Variants in KIRREL3 observed in about 807,000 individuals in gnomAD.
KIRREL3 encodes the protein kirre like nephrin family adhesion molecule 3, also known as kin of IRRE-like protein 3.
In KIRREL3, 36 loss-of-function variants were observed where a neutral mutation model predicts 89.7. The observed-to-expected ratio is 0.40, with a 90% CI of 0.31 to 0.53. The LOEUF is 0.53. KIRREL3 is among the 20% of genes least tolerant of loss of function. The pLI, the probability that KIRREL3 is intolerant of heterozygous loss-of-function variation, is 0.49. For missense variants in KIRREL3, 864 were observed against 1,056.6 expected (o/e 0.82, Z 2.53); for synonymous variants, 445 against 441.4 (o/e 1.01, Z -0.10).
chr11:126,915,970 TC>T (rs1245507868), intron 1 of KIRREL3, among the ~76,000 whole-genome samples: 1 of 152,076 alleles, frequency 6.6e-6, no homozygotes, highest in Non-Finnish European at 1.5e-5. Context: ...TCGTGCAACC[TC>T]CCCCAGCCAC....
chr11:126,617,562 C>A (rs1053265228), intron 1 of KIRREL3, among the ~76,000 whole-genome samples: 1 of 152,156 alleles, frequency 6.6e-6, no homozygotes, highest in Non-Finnish European at 1.5e-5. Flanking sequence ...ATATTGCCAG[C>A]AAATCAGCCA....
chr11:126,542,627 C>T (rs1938459633), intron 2 of KIRREL3, among the ~76,000 whole-genome samples: 1 of 152,210 alleles, frequency 6.6e-6, no homozygotes, highest in African/African-American at 2.4e-5. Context: ...AGGTGCACCC[C>T]ACCTTCCCCA....
At position 126,923,166 on chromosome 11, in the gene KIRREL3, TC is replaced by T. The variant is rs1947453047; in HGVS notation, c.55+77288del. 1.2e-3 allele frequency among the ~76,000 whole-genome samples: 35 copies of T among 28,296 alleles called. 10 individuals are homozygous for T. The highest frequency in any genetic ancestry group is 6.2e-3 in the Admixed American group (16 of 2,588). The allele number at this position is 28,296 out of a possible 152,430, so 18.6% of individuals were successfully genotyped here. ...TTCTTCTTCTTCTTCTTCTTCTTCT[TC>T]TTCTTCTTCTCTTCTTCTTCTCTTC... On this transcript the variant is annotated intron_variant, in intron 1 of 16. Transcript: ENST00000525144.
At chr11:126,540,941 C>T (rs572758022) in intron 2 of KIRREL3, among the ~76,000 whole-genome samples, 19 of 152,282 alleles carry the variant, frequency 1.2e-4, no homozygotes, top group African/African-American at 3.6e-4. Flanking sequence ...CTCACTGAGC[C>T]GGCACCTTGG....
In KIRREL3 at chr11:126,431,583, C is replaced by T. The variant is rs1004451078; in HGVS notation, c.1589-57G>A. ...GGATGGGGAATGGCCTACTATCCCC[C>T]CATGATCTCACCCCGTTCCTGCGGG... On this transcript the variant is annotated intron_variant, in intron 13 of 16. Transcript: ENST00000525144. The surrounding 1 kb of genome is among the most constrained non-coding windows in gnomAD (Gnocchi z 7.1). 4.5e-6 allele frequency: 7 copies of T among 1,540,494 alleles called. No homozygotes were observed. The highest frequency in any genetic ancestry group is 6.2e-6 in the Non-Finnish European group (7 of 1,124,194).
chr11:127,002,861 A>C (rs1793666), upstream of KIRREL3: 1 of 152,240 alleles, frequency 6.6e-6, no homozygotes. Flanking sequence ...TGAAGTGTGC[A>C]ATACGCAATA....
chr11:126,592,761 G>T (rs781667219), intron 1 of KIRREL3, among the ~76,000 whole-genome samples: 4 of 152,222 alleles, frequency 2.6e-5, no homozygotes, highest in Non-Finnish European at 5.9e-5. Context: ...CCAGTCGCAG[G>T]TAAGGCCTTT....
intron 1 of KIRREL3, among the ~76,000 whole-genome samples, chr11:126,922,121 GTCTATCTATCTATCTA>G (rs60938174): frequency 1.2e-3 from 175 of 140,080 alleles, no homozygotes; most frequent in Middle Eastern, 7.4e-3. Flanking sequence ...CTATCTGTCT[GTCTATCTATCTATCTA>G]TCTATCTATC....
chr11:126,494,669 G>T (rs1957607754), intron 4 of KIRREL3, among the ~76,000 whole-genome samples: 1 of 152,252 alleles, frequency 6.6e-6, no homozygotes, highest in African/African-American at 2.4e-5. Context: ...TTCCCAGAGA[G>T]GGAAGCTGCC....
At chr11:126,618,013 G>A (rs905952165) in intron 1 of KIRREL3, among the ~76,000 whole-genome samples, 3 of 152,208 alleles carry the variant, frequency 2.0e-5, no homozygotes, top group African/African-American at 7.2e-5. Context: ...GGATAATGTG[G>A]TTGGTGTTCT....
chr11:126,565,287 A>G lies in KIRREL3; in HGVS notation c.56-2375T>C, dbSNP rs1251307228. Among the ~76,000 whole-genome samples the G allele has an allele frequency of 6.6e-6, 1 of 152,190 alleles. No individual in the cohort carries two copies. Among genetic ancestry groups the G allele is most frequent in the Non-Finnish European group, 1.5e-5 (1 of 68,036 alleles). ...AACCTCTCCTATGCCACATACTAGG[A>G]CACCCCCCAGGGCAACTGCTTGAGG... On this transcript the variant is annotated intron_variant, in intron 1 of 16. Transcript: ENST00000525144. This position sits in a 1 kb window ranked among gnomAD's most constrained non-coding sequence, Gnocchi z 5.4.
At chr11:126,810,726 A>G (rs1951356597) in intron 1 of KIRREL3, among the ~76,000 whole-genome samples, 1 of 152,190 alleles carries the variant, frequency 6.6e-6, no homozygotes, top group South Asian at 2.1e-4. Context: ...AATGGCTTAT[A>G]AAATGGGCAT....
chr11:126,769,630 T>C lies in KIRREL3; in HGVS notation c.56-206718A>G, dbSNP rs1458053268. On this transcript the variant is annotated intron_variant, in intron 1 of 16. Coordinates refer to ENST00000525144, the MANE Select transcript of KIRREL3 (RefSeq NM_032531.4). This position sits in a 1 kb window ranked among gnomAD's most constrained non-coding sequence, Gnocchi z 4.3. Reference sequence around the variant, plus strand: ...AGCCTTCTTTCCTTCATTTAGCAACTTTTAATTAAATGATTTCTGAATATC... The same window carrying C: ...AGCCTTCTTTCCTTCATTTAGCAACCTTTAATTAAATGATTTCTGAATATC... Among the ~76,000 whole-genome samples the C allele has an allele frequency of 2.0e-5, 3 of 152,236 alleles. No homozygotes were observed. The highest frequency in any genetic ancestry group is 1.3e-4 in the Admixed American group (2 of 15,284).
In KIRREL3 at chr11:126,680,725, A is replaced by C. The variant is rs1946415450; in HGVS notation, c.56-117813T>G. Among the ~76,000 whole-genome samples, 4 of 151,252 alleles carry C rather than the reference A, an allele frequency of 2.6e-5. No homozygotes were observed. In the South Asian group the frequency reaches 6.3e-4, roughly 24 times the overall value. On this transcript the variant is annotated intron_variant, in intron 1 of 16. Transcript: ENST00000525144. ...AGTCTTAAAGCAGCCAACAGAGGAG[A>C]TACTTAGAGCAAAAAAAAAAAAAAG... is the stretch of plus-strand genomic sequence containing the variant.
chr11:126,850,196 C>T (rs4350373), intron 1 of KIRREL3, among the ~76,000 whole-genome samples: 128,769 of 151,800 alleles, frequency 0.85, 54,815 homozygotes, highest in East Asian at 1. Flanking sequence ...TTGGAATTTC[C>T]AAAGATATTT....
chr11:126,635,094 T>A lies in KIRREL3; in HGVS notation c.56-72182A>T, dbSNP rs1234928615. On this transcript the variant is annotated intron_variant, in intron 1 of 16. Coordinates refer to ENST00000525144, the MANE Select transcript of KIRREL3 (RefSeq NM_032531.4). The surrounding 1 kb of genome is among the most constrained non-coding windows in gnomAD (Gnocchi z 4.0). The stretch of plus-strand genomic sequence containing the variant: ...GAATGAGCACAAAGAACACTTTTTC[T>A]TTTAAGGATTGACCTTTTGCTCAAT... Among the ~76,000 whole-genome samples the A allele has an allele frequency of 6.6e-6, 1 of 152,240 alleles. No homozygotes were observed. Among genetic ancestry groups the A allele is most frequent in the African/African-American group, 2.4e-5 (1 of 41,468 alleles).
intron 1 of KIRREL3, among the ~76,000 whole-genome samples, chr11:126,939,522 G>A (rs1021493242): frequency 2.6e-5 from 4 of 152,140 alleles, no homozygotes; most frequent in Non-Finnish European, 5.9e-5. Context: ...ATGCTAGCAG[G>A]GACTCTCCTG....
intron 1 of KIRREL3, among the ~76,000 whole-genome samples, chr11:126,713,040 A>G (rs1947823920): frequency 6.6e-6 from 1 of 152,160 alleles, no homozygotes; most frequent in African/African-American, 2.4e-5. Flanking sequence ...TCAATCTCTC[A>G]TAGGAGTGGC....
rs904546950 is a variant in KIRREL3 at position 126,568,382 on chromosome 11, C to A, written c.56-5470G>T. Reference sequence around the variant, plus strand: ...GATGGTGGGCTTGCATCTGCTGCTTCTTCCTGCTCTCTGAAGATGGCCAGA... The same window carrying A: ...GATGGTGGGCTTGCATCTGCTGCTTATTCCTGCTCTCTGAAGATGGCCAGA... On this transcript the variant is annotated intron_variant, in intron 1 of 16. Coordinates refer to ENST00000525144, the MANE Select transcript of KIRREL3 (RefSeq NM_032531.4). The surrounding 1 kb of genome is among the most constrained non-coding windows in gnomAD (Gnocchi z 4.6). Among the ~76,000 whole-genome samples, 1 of 152,360 alleles carries A rather than the reference C, an allele frequency of 6.6e-6. No individual in the cohort carries two copies.
Sources: allele counts gnomAD v4.1 joint callset (sites outside exome capture counted in the v4.1 genomes callset), GRCh38; gene constraint gnomAD v4.1.1; non-coding constraint Gnocchi (gnomAD v3.1); transcripts MANE v1.5; gene names NCBI Gene and HGNC (gene_info 2026-07-23, HGNC 2026-07-21).